The following ADCY1 variants were observed in gnomAD, a reference collection of about 807,000 sequenced individuals.
The protein encoded by ADCY1 is adenylate cyclase 1, also known as adenylate cyclase type 1.
Under a neutral mutation model 105.4 loss-of-function variants are expected in ADCY1, and 28 were observed. That is an observed-to-expected ratio of 0.27 (90% CI 0.20 to 0.36). The LOEUF is 0.36. ADCY1 is among the 10% of genes least tolerant of loss of function. The pLI is 1.00. For synonymous variants in ADCY1, 655 were observed against 623.8 expected, an observed-to-expected ratio of 1.05 and a Z score of -0.75; for missense variants, 977 against 1,434.2, an observed-to-expected ratio of 0.68 and a Z score of 5.15.
chr7:45,582,177 T>C (rs1245582881), intron 1 of ADCY1, among the ~76,000 whole-genome samples: 2 of 152,206 alleles, frequency 1.3e-5, no homozygotes, highest in East Asian at 3.9e-4. Context: ...CACTTACATG[T>C]TCATGCTCAC....
intron 5 of ADCY1, among the ~76,000 whole-genome samples, chr7:45,656,302 C>CA (rs199852262): frequency 0.019 from 2,123 of 110,320 alleles, 26 homozygotes; most frequent in Middle Eastern, 0.07. Flanking sequence ...AACTCCGTCT[C>CA]AAAAAAAAAA....
rs1785469297 is a variant in ADCY1, at chr7:45,721,430, T to C, written c.*7435T>C. 4 of 375,056 alleles carry C rather than the reference T, an allele frequency of 1.1e-5. No homozygotes were observed. The highest frequency in any genetic ancestry group is 1.9e-5 in the Non-Finnish European group (4 of 211,912). The allele number at this position is 375,056 out of a possible 1,614,324, so 23.2% of individuals were successfully genotyped here. A position where few individuals can be genotyped will look rare whatever the true frequency, so the allele number is the denominator to read the frequency against. The stretch of plus-strand genomic sequence containing the variant: ...CTGTCATTGCGTCTAATTTCAAATA[T>C]ACAGAATCTCCTTAAGAGCTGTTGC... On this transcript the variant is annotated 3_prime_UTR_variant, in exon 20 of 20. Transcript: ENST00000297323.
At position 45,610,451 on chromosome 7, in the gene ADCY1, G is replaced by C; in HGVS notation, c.862G>C (p.Glu288Gln). ...GAAGGAGGACTTCCTGAAGCCCCCT[G>C]AGAGGATTTTCCACAAGATTTACAT... ...EMKEDFLKPP[E>Q]RIFHKIYIQR... Residue 288 changes from glutamate to glutamine, a missense_variant, in exon 3 of 20, where the codon GAG becomes CAG. By Grantham distance (29) the Glu-to-Gln change is conservative. This residue lies in a region of ADCY1 where 196 missense variants were observed against 347.8 expected (regional missense o/e 0.56). Coordinates refer to ENST00000297323, the MANE Select transcript of ADCY1 (RefSeq NM_021116.4). The C allele has an allele frequency of 6.2e-7, 1 of 1,614,034 alleles. No individual in the cohort carries two copies. Among genetic ancestry groups the C allele is most frequent in the Non-Finnish European group, 8.5e-7 (1 of 1,180,000 alleles).
chr7:45,624,383 G>A (rs145226461), intron 4 of ADCY1, among the ~76,000 whole-genome samples: 2,014 of 152,204 alleles, frequency 0.013, 144 homozygotes, highest in Admixed American at 0.12. Context: ...GATTTTGGAC[G>A]CTACTCCCTT....
At chr7:45,617,954 G>T (rs1793783775) in intron 3 of ADCY1, among the ~76,000 whole-genome samples, 1 of 152,182 alleles carries the variant, frequency 6.6e-6, no homozygotes, top group African/African-American at 2.4e-5. Context: ...AAAGCTGGAG[G>T]CATTACATTA....
In ADCY1 at chr7:45,710,794, C is replaced by A; in HGVS notation, c.3057+142C>A. ...AGAGCTGCATATTTCGGTCTGTCTG[C>A]TCTGGAGGGCATCCTGGCCCGGGCA... is the stretch of plus-strand genomic sequence containing the variant. On this transcript the variant is annotated intron_variant, in intron 19 of 19. Coordinates refer to ENST00000297323, the MANE Select transcript of ADCY1 (RefSeq NM_021116.4). The surrounding 1 kb of genome is among the most constrained non-coding windows in gnomAD (Gnocchi z 4.7). 8.5e-7 allele frequency: 1 copy of A among 1,173,578 alleles called. No individual in the cohort carries two copies. The highest frequency in any genetic ancestry group is 1.2e-6 in the Non-Finnish European group (1 of 863,008). 72.7% of individuals were successfully genotyped at this position (1,173,578 alleles called of 1,614,324 possible).
Position 45,664,202 on chromosome 7 carries a change from G to A in ADCY1, c.1605+1988G>A, listed in dbSNP as rs547925459. The A allele has an allele frequency of 8.2e-6, 10 of 1,225,134 alleles. No individual in the cohort carries two copies. The East Asian group carries it at 1.5e-4, about 19-fold the overall frequency. The allele number at this position is 1,225,134 out of a possible 1,614,324, so 75.9% of individuals were successfully genotyped here. On this transcript the variant is annotated intron_variant, in intron 8 of 19. Transcript: ENST00000297323. ...ATTTTACAAGGAAGTGCACCGTTGGGCCTAGGAGAAGTTTCAGAGCCTGGC... is the reference window on the plus strand; with the variant it reads ...ATTTTACAAGGAAGTGCACCGTTGGACCTAGGAGAAGTTTCAGAGCCTGGC...
intron 3 of ADCY1, among the ~76,000 whole-genome samples, chr7:45,620,781 C>G (rs1562692053): frequency 6.6e-6 from 1 of 152,346 alleles, no homozygotes; most frequent in East Asian, 1.9e-4. Flanking sequence ...AGTGGAATGG[C>G]ATGTTCAAAG....
intron 12 of ADCY1, among the ~76,000 whole-genome samples, 191 bp downstream of exon 12, chr7:45,685,259 T>A (rs1784643550): frequency 6.6e-6 from 1 of 151,980 alleles, no homozygotes; most frequent in Non-Finnish European, 1.5e-5. Context: ...TTCTCCCTGG[T>A]GAAAGGAGCC....
rs1737152047 is a variant in ADCY1, at chr7:45,649,630, C to G, written c.1148+833C>G. Among the ~76,000 whole-genome samples, 3 of 152,218 alleles carry G rather than the reference C, an allele frequency of 2.0e-5. No homozygotes were observed. In the South Asian group the frequency reaches 6.2e-4, roughly 32 times the overall value. ...AGAGATGGGGCGAGACTGCTGGCTC[C>G]CTTTGCCCCATCACTGCCTCGTGGG... On this transcript the variant is annotated intron_variant, in intron 5 of 19. Coordinates refer to ENST00000297323, the MANE Select transcript of ADCY1 (RefSeq NM_021116.4).
chr7:45,622,560 A>C, intron 3 of ADCY1, 72 bp from the exon 4 acceptor site: 1 of 1,083,388 alleles, frequency 9.2e-7, no homozygotes, highest in South Asian at 1.3e-5. Context: ...AGATGTAAAC[A>C]TCTGTACATC....
chr7:45,706,512 A>AAAAAAAAAG (rs1554332713), intron 17 of ADCY1, among the ~76,000 whole-genome samples: 2 of 135,446 alleles, frequency 1.5e-5, no homozygotes, highest in African/African-American at 2.5e-5. Flanking sequence ...AAAAAAAAAA[A>AAAAAAAAAG]AGAATATAGA....
At chr7:45,604,006 G>T (rs1053499495) in intron 2 of ADCY1, among the ~76,000 whole-genome samples, 1 of 152,142 alleles carries the variant, frequency 6.6e-6, no homozygotes. Flanking sequence ...GAATAAAGCT[G>T]CTATGAACAT....
chr7:45,605,377 G>T (rs1219271880), intron 2 of ADCY1, among the ~76,000 whole-genome samples: 1 of 152,090 alleles, frequency 6.6e-6, no homozygotes, highest in Non-Finnish European at 1.5e-5. Context: ...ATGAATATGA[G>T]TAATGGGAGC....
intron 4 of ADCY1, among the ~76,000 whole-genome samples, chr7:45,628,794 G>C (rs868466955): frequency 6.6e-6 from 1 of 152,122 alleles, no homozygotes. Context: ...CCGATAATGC[G>C]TGTGAGTTCT....
In ADCY1 at chr7:45,713,873, G is replaced by A. The variant is rs1785313097; in HGVS notation, c.3238G>A (p.Ala1080Thr). ...LDRKMCPFGR[A>T]GLQGRRPPVC... Reference sequence around the variant, plus strand: ...TCGGAAAATGTGTCCATTTGGGAGAGCTGGCCTTCAGGGCAGACGTCCCCC... The same window carrying A: ...TCGGAAAATGTGTCCATTTGGGAGAACTGGCCTTCAGGGCAGACGTCCCCC... Residue 1080 changes from alanine to threonine, a missense_variant, in exon 20 of 20, where the codon GCT becomes ACT. Ala to Thr is a moderately conservative substitution (Grantham distance 58). Coordinates refer to ENST00000297323, the MANE Select transcript of ADCY1 (RefSeq NM_021116.4). The A allele has an allele frequency of 3.8e-6, 3 of 780,690 alleles. No individual in the cohort carries two copies. The highest frequency in any genetic ancestry group is 3.4e-5 in the African/African-American group (2 of 59,172). The allele number at this position is 780,690 out of a possible 1,614,324, so 48.4% of individuals were successfully genotyped here.
chr7:45,626,510 T>C (rs1010097158), intron 4 of ADCY1, among the ~76,000 whole-genome samples: 1 of 152,146 alleles, frequency 6.6e-6, no homozygotes. Flanking sequence ...AGGATATCAT[T>C]ACAGCTGCAA....
intron 12 of ADCY1, among the ~76,000 whole-genome samples, chr7:45,685,270 T>C (rs1784643757): frequency 6.6e-6 from 1 of 152,204 alleles, no homozygotes; most frequent in African/African-American, 2.4e-5. Flanking sequence ...GAAAGGAGCC[T>C]GGCTTCTTCA....
At chr7:45,711,821 C>CT (rs200828571) in intron 19 of ADCY1, among the ~76,000 whole-genome samples, 76,403 of 127,788 alleles carry the variant, frequency 0.6, 23,551 homozygotes, top group South Asian at 0.8. Context: ...TTACAATGTA[C>CT]TTTTAAAATA....
Sources: allele counts gnomAD v4.1 joint callset (sites outside exome capture counted in the v4.1 genomes callset), GRCh38; gene constraint gnomAD v4.1.1; regional missense constraint gnomAD v4.1.1; non-coding constraint Gnocchi (gnomAD v3.1); transcripts MANE v1.5; gene names NCBI Gene and HGNC (gene_info 2026-07-23, HGNC 2026-07-21).